Variants in NUDT4 observed in about 807,000 individuals in gnomAD.
NUDT4 encodes diphosphoinositol polyphosphate phosphohydrolase 2.
Under a neutral mutation model 23.1 loss-of-function variants are expected in NUDT4, and 5 were observed. That is an observed-to-expected ratio of 0.22 (90% confidence interval 0.11 to 0.46). The LOEUF (loss-of-function observed/expected upper bound fraction) is 0.46. NUDT4 is among the 20% of genes least tolerant of loss of function. The probability of loss-of-function intolerance (pLI) is 0.99; values close to 1 mark genes in which losing one functional copy is unlikely to be tolerated. For synonymous variants in NUDT4, 50 were observed against 79.0 expected (o/e 0.63, Z 1.95); for missense variants, 96 against 211.6 (o/e 0.45, Z 3.39).
chr12:93,379,610 T>C (rs1042777485), intron 1 of NUDT4, among the ~76,000 whole-genome samples: 1 of 152,214 alleles, frequency 6.6e-6, no homozygotes, highest in Non-Finnish European at 1.5e-5. Context: ...ACCAAGCCCT[T>C]TAAATGGGTT....
chr12:93,379,210 A>G (rs1875450106), intron 1 of NUDT4, among the ~76,000 whole-genome samples: 1 of 152,154 alleles, frequency 6.6e-6, no homozygotes, highest in Non-Finnish European at 1.5e-5. Context: ...TTCTTGGATA[A>G]TTTACCCATC....
intron 3 of NUDT4, among the ~76,000 whole-genome samples, chr12:93,396,022 A>G (rs1876910559): frequency 6.6e-6 from 1 of 152,162 alleles, no homozygotes; most frequent in African/African-American, 2.4e-5. Context: ...CCCGGCTGCC[A>G]TCACTTTTAT....
intron 1 of NUDT4, among the ~76,000 whole-genome samples, chr12:93,384,824 T>C (rs990553241): frequency 6.6e-6 from 1 of 152,090 alleles, no homozygotes; most frequent in Non-Finnish European, 1.5e-5. Context: ...AGGCGTGACC[T>C]CAGCTCACTG....
intron 1 of NUDT4, among the ~76,000 whole-genome samples, chr12:93,381,412 CT>C (rs1304658628): frequency 6.6e-6 from 1 of 152,146 alleles, no homozygotes; most frequent in Non-Finnish European, 1.5e-5. Flanking sequence ...GATGACAATG[CT>C]TTTACAAATA....
intron 1 of NUDT4, among the ~76,000 whole-genome samples, chr12:93,392,806 T>TTAGC (rs1350818278): frequency 3.9e-5 from 5 of 127,606 alleles, no homozygotes; most frequent in African/African-American, 1.5e-4. Flanking sequence ...AGTCTCCCGA[T>TTAGC]TAGCTGGGAT....
intron 1 of NUDT4, 96 bp downstream of exon 1, chr12:93,378,517 C>T: frequency 2.2e-6 from 3 of 1,333,916 alleles, no homozygotes; most frequent in Non-Finnish European, 2.9e-6. Context: ...GGCTGCGGGG[C>T]TGGGAGGGAT....
chr12:93,395,985 C>T (rs11107012), intron 3 of NUDT4, among the ~76,000 whole-genome samples: 2,055 of 152,332 alleles, frequency 0.013, 51 homozygotes, highest in African/African-American at 0.047. Flanking sequence ...TCCCAAAGTG[C>T]TGGGATTACA....
At chr12:93,390,594 G>T (rs1196835818) in intron 1 of NUDT4, among the ~76,000 whole-genome samples, 1 of 151,784 alleles carries the variant, frequency 6.6e-6, no homozygotes, top group Non-Finnish European at 1.5e-5. Flanking sequence ...GGTATAATTT[G>T]ATAATGTAAT....
At chr12:93,393,346 G>A (rs569977679) in intron 1 of NUDT4, among the ~76,000 whole-genome samples, 3 of 151,236 alleles carry the variant, frequency 2.0e-5, no homozygotes, top group Non-Finnish European at 3.0e-5. Context: ...TCAGGTGATC[G>A]CCCACCTCGG....
chr12:93,394,249 G>A (rs964481070), intron 1 of NUDT4, among the ~76,000 whole-genome samples: 6 of 152,098 alleles, frequency 3.9e-5, no homozygotes, highest in Non-Finnish European at 8.8e-5. Context: ...TGATCCGCCC[G>A]CCTCGGCCTC....
rs532963222 is a variant in NUDT4, at chr12:93,396,485, G to A, written c.255+952G>A. ...ATGGTCACTTTCCTTTTTTCAGGGT[G>A]CTGTTTATAGGTTAGTACAGCCTTT... is the stretch of plus-strand genomic sequence containing the variant. On this transcript the variant is annotated intron_variant, in intron 3 of 4. Coordinates refer to ENST00000415493, the MANE Select transcript of NUDT4 (RefSeq NM_019094.6). Among the ~76,000 whole-genome samples the A allele has an allele frequency of 5.3e-5, 8 of 152,220 alleles. No individual in the cohort carries two copies. The South Asian group carries it at 1.0e-3, about 20-fold the overall frequency.
At chr12:93,397,591 A>G (rs1447086352) in intron 3 of NUDT4, among the ~76,000 whole-genome samples, 1 of 151,840 alleles carries the variant, frequency 6.6e-6, no homozygotes, top group Non-Finnish European at 1.5e-5. Flanking sequence ...CAGTGGCATG[A>G]TCTGGGCTCA....
At chr12:93,398,959 A>G (rs924717548) in intron 4 of NUDT4, 104 bp downstream of exon 4, 3 of 885,394 alleles carry the variant, frequency 3.4e-6, no homozygotes, top group Admixed American at 2.7e-5. Flanking sequence ...CTCTTTGCTT[A>G]TATTCCTGTG....
In NUDT4 at chr12:93,402,539, C is replaced by T. The variant is rs1333643013; in HGVS notation, c.*3160C>T. On this transcript the variant is annotated 3_prime_UTR_variant, in exon 5 of 5. Coordinates refer to ENST00000415493, the MANE Select transcript of NUDT4 (RefSeq NM_019094.6). ...CTGTTCTCCCATTGATGATCATATA[C>T]GTTACCTCTTCCTAGCGGTACATTT... The T allele has an allele frequency of 3.3e-5, 5 of 152,162 alleles. No individual in the cohort carries two copies. Among genetic ancestry groups the T allele is most frequent in the Non-Finnish European group, 4.4e-5 (3 of 68,036 alleles). The allele number at this position is 152,162 out of a possible 1,614,324, so 9.4% of individuals were successfully genotyped here.
At position 93,406,767 on chromosome 12, in the gene NUDT4, ACAT is replaced by A. The variant is rs943807389; in HGVS notation, c.*7392_*7394del. 6.6e-6 allele frequency: 1 copy of A among 152,004 alleles called. No individual in the cohort carries two copies. The highest frequency in any genetic ancestry group is 1.5e-5 in the Non-Finnish European group (1 of 67,988). The allele number at this position is 152,004 out of a possible 1,614,324, so 9.4% of individuals were successfully genotyped here. A position where few individuals can be genotyped will look rare whatever the true frequency, so the allele number is the denominator to read the frequency against. On this transcript the variant is annotated 3_prime_UTR_variant, in exon 5 of 5. Transcript: ENST00000415493. Reference sequence around the variant, plus strand: ...TTTGTGTAGATTGTATGCATATACAACATCATTTTATTCCAGAGACTTGAGCAT... The same window carrying A: ...TTTGTGTAGATTGTATGCATATACAACATTTTATTCCAGAGACTTGAGCAT...
At chr12:93,385,661 G>A (rs1876004972) in intron 1 of NUDT4, among the ~76,000 whole-genome samples, 1 of 152,026 alleles carries the variant, frequency 6.6e-6, no homozygotes. Flanking sequence ...GTAGATGGCT[G>A]TTGTGTGCGT....
At chr12:93,394,764 C>A in intron 2 of NUDT4, 45 bp downstream of exon 2, 2 of 1,254,850 alleles carry the variant, frequency 1.6e-6, no homozygotes, top group Non-Finnish European at 2.3e-6. Flanking sequence ...GTTTTAAAAA[C>A]AAGGCCCTTT....
At chr12:93,383,749 T>C (rs529101269) in intron 1 of NUDT4, among the ~76,000 whole-genome samples, 2 of 152,214 alleles carry the variant, frequency 1.3e-5, no homozygotes, top group South Asian at 4.1e-4. Flanking sequence ...GGAGAATCCC[T>C]TGAACCCAGG....
In NUDT4 at chr12:93,404,091, A is replaced by G. The variant is rs1266029436; in HGVS notation, c.*4712A>G. On this transcript the variant is annotated 3_prime_UTR_variant, in exon 5 of 5. Transcript: ENST00000415493. ...TAATCAGTATCAGACAATGGAAGTA[A>G]ATTTTCCTGCTTTTCTCAACTTTTC... The G allele has an allele frequency of 1.3e-5, 2 of 152,220 alleles. No individual in the cohort carries two copies. Among genetic ancestry groups the G allele is most frequent in the East Asian group, 3.8e-4 (2 of 5,204 alleles). 9.4% of individuals were successfully genotyped at this position (152,220 alleles called of 1,614,324 possible). A position where few individuals can be genotyped will look rare whatever the true frequency, so the allele number is the denominator to read the frequency against.
Sources: allele counts gnomAD v4.1 joint callset (sites outside exome capture counted in the v4.1 genomes callset), GRCh38; gene constraint gnomAD v4.1.1; transcripts MANE v1.5; gene names NCBI Gene and HGNC (gene_info 2026-07-23, HGNC 2026-07-21).